Variants in PARD3B observed in about 807,000 individuals in gnomAD.
PARD3B encodes par-3 family cell polarity regulator beta.
Under a neutral mutation model 130.2 loss-of-function variants are expected in PARD3B, and 103 were observed. The ratio of observed to expected loss-of-function variants is 0.79; its 90% CI spans 0.67 to 0.93. PARD3B has a LOEUF of 0.93. Among genes scored for constraint, PARD3B ranks in the 40% least tolerant of loss-of-function variants. PARD3B has a pLI of 0.00. For missense variants in PARD3B, 1,609 were observed against 1,499.2 expected, an observed-to-expected ratio of 1.07 and a Z score of -1.21; for synonymous variants, 583 against 553.2, an observed-to-expected ratio of 1.05 and a Z score of -0.76.
intron 3 of PARD3B, 49 bp from the exon 4 acceptor site, chr2:205,047,532 C>A: frequency 7.9e-7 from 1 of 1,272,304 alleles, no homozygotes. Flanking sequence ...CATGCACTCT[C>A]TTCACCCCAG....
rs1447109545 is a variant in PARD3B, at chr2:205,105,921, G to A, written c.593+1407G>A. 1.3e-5 allele frequency among the ~76,000 whole-genome samples: 2 copies of A among 151,802 alleles called. No homozygotes were observed. Among genetic ancestry groups the A allele is most frequent in the Admixed American group, 6.6e-5 (1 of 15,250 alleles). ...GTTTCTGGAGGTAGACATAATGATT[G>A]TAATGCTCTTATTCTATTTGGCTTT... On this transcript the variant is annotated intron_variant, in intron 5 of 22. Transcript: ENST00000406610. This position sits in a 1 kb window ranked among gnomAD's most constrained non-coding sequence, Gnocchi z 4.0.
intron 1 of PARD3B, among the ~76,000 whole-genome samples, chr2:204,684,117 C>G (rs900776638): frequency 6.6e-6 from 1 of 152,142 alleles, no homozygotes; most frequent in African/African-American, 2.4e-5. Context: ...TTTCTTCTCT[C>G]TGTGTTTCCA....
chr2:204,991,749 A>G (rs1010709933), intron 3 of PARD3B, among the ~76,000 whole-genome samples: 4 of 151,780 alleles, frequency 2.6e-5, no homozygotes, highest in African/African-American at 9.7e-5. Context: ...TGGTTTCCTG[A>G]CTTTTTAATG....
chr2:205,008,704 A>G (rs1433045813), intron 3 of PARD3B, among the ~76,000 whole-genome samples: 1 of 152,196 alleles, frequency 6.6e-6, no homozygotes, highest in Admixed American at 6.5e-5. Flanking sequence ...TCTCTAGTAA[A>G]TCAATTAAAG....
chr2:204,719,985 C>T (rs1426805957), intron 2 of PARD3B, among the ~76,000 whole-genome samples: 1 of 152,078 alleles, frequency 6.6e-6, no homozygotes, highest in Non-Finnish European at 1.5e-5. Context: ...AAGCTTTTGC[C>T]TCTTGAAATT....
intron 22 of PARD3B, among the ~76,000 whole-genome samples, chr2:205,603,579 G>A (rs1451923453): frequency 6.6e-6 from 1 of 152,160 alleles, no homozygotes; most frequent in Non-Finnish European, 1.5e-5. Flanking sequence ...TCTTCTTGTT[G>A]AATCGATCCC....
rs181648935 is a variant in PARD3B, at chr2:204,752,252, C to T, written c.222+65970C>T. Among the ~76,000 whole-genome samples the T allele has an allele frequency of 7.9e-4, 120 of 152,184 alleles. 1 individual carries two copies. Among genetic ancestry groups the T allele is most frequent in the East Asian group, 4.3e-3 (22 of 5,174 alleles). ...TGCTTACTTTCTGCTATGGGGCAATCTTTATGTCTTTATGATTCCATTTTC... is the reference window on the plus strand; with the variant it reads ...TGCTTACTTTCTGCTATGGGGCAATTTTTATGTCTTTATGATTCCATTTTC... On this transcript the variant is annotated intron_variant, in intron 2 of 22. Coordinates refer to ENST00000406610, the MANE Select transcript of PARD3B (RefSeq NM_001302769.2).
intron 19 of PARD3B, among the ~76,000 whole-genome samples, chr2:205,409,630 C>T (rs1045207810): frequency 2.6e-5 from 4 of 152,094 alleles, no homozygotes; most frequent in Admixed American, 6.5e-5. Context: ...GCTTGTCAGC[C>T]GAGCTGGATT....
intron 2 of PARD3B, among the ~76,000 whole-genome samples, chr2:204,858,499 TAAA>T (rs554680233): frequency 6.8e-5 from 8 of 117,122 alleles, no homozygotes; most frequent in Non-Finnish European, 5.5e-5. Flanking sequence ...ATGTGGAATC[TAAA>T]AAAAAAAAAA....
intron 22 of PARD3B, among the ~76,000 whole-genome samples, chr2:205,597,687 G>A (rs1362194987): frequency 3.9e-5 from 6 of 152,066 alleles, no homozygotes; most frequent in Admixed American, 6.6e-5. Flanking sequence ...AGCATCTGTC[G>A]TTTTTAGACT....
chr2:204,887,581 A>G lies in PARD3B; in HGVS notation c.223-77571A>G, dbSNP rs74801839. On this transcript the variant is annotated intron_variant, in intron 2 of 22. Coordinates refer to ENST00000406610, the MANE Select transcript of PARD3B (RefSeq NM_001302769.2). The surrounding 1 kb of genome is among the most constrained non-coding windows in gnomAD (Gnocchi z 4.2). Reference sequence around the variant, plus strand: ...GAACGAAGAGATGGCAAACTAACCTATAAATTAAAAGAAGCCCAAACTGCT... The same window carrying G: ...GAACGAAGAGATGGCAAACTAACCTGTAAATTAAAAGAAGCCCAAACTGCT... 0.011 allele frequency among the ~76,000 whole-genome samples: 1,609 copies of G among 152,292 alleles called. 29 individuals are homozygous for G. The highest frequency in any genetic ancestry group is 0.037 in the African/African-American group (1,549 of 41,562).
Position 205,301,703 on chromosome 2 carries a change from TA to T in PARD3B, c.2630+3del. On this transcript the variant is annotated splice_donor_region_variant and intron_variant, in intron 18 of 22. Transcript: ENST00000406610. This position sits in a 1 kb window ranked among gnomAD's most constrained non-coding sequence, Gnocchi z 5.2. ...GAAGGGCTTCGGCGCCATGCTGAGG[TA>T]TGGGCCTGCTTTGAAGGCAAAGTTG... is the stretch of plus-strand genomic sequence containing the variant. The T allele has an allele frequency of 6.2e-7, 1 of 1,614,006 alleles. No individual in the cohort carries two copies. Among genetic ancestry groups the T allele is most frequent in the South Asian group, 1.1e-5 (1 of 91,074 alleles).
chr2:204,998,312 G>GTGTATATA lies in PARD3B; in HGVS notation c.394+32990_394+32991insGTATATAT, dbSNP rs1278337977. On this transcript the variant is annotated intron_variant, in intron 3 of 22. Coordinates refer to ENST00000406610, the MANE Select transcript of PARD3B (RefSeq NM_001302769.2). ...CTGCACATGTATCCCAGAACTTAAA[G>GTGTATATA]TATATATATATATATATATATATAT... 1.5e-4 allele frequency among the ~76,000 whole-genome samples: 8 copies of GTGTATATA among 52,042 alleles called. 1 individual carries two copies. Among genetic ancestry groups the GTGTATATA allele is most frequent in the African/African-American group, 5.2e-4 (6 of 11,498 alleles). The allele number at this position is 52,042 out of a possible 152,430, so 34.1% of individuals were successfully genotyped here.
intron 20 of PARD3B, among the ~76,000 whole-genome samples, chr2:205,498,228 G>A (rs1172847673): frequency 5.3e-5 from 8 of 150,626 alleles, no homozygotes; most frequent in East Asian, 3.9e-4. Flanking sequence ...CAGGCCAGGC[G>A]TGGTGGCTCA....
chr2:205,156,192 C>T (rs1265043667), intron 10 of PARD3B, among the ~76,000 whole-genome samples: 1 of 134,188 alleles, frequency 7.5e-6, no homozygotes, highest in Non-Finnish European at 1.5e-5. Flanking sequence ...TGTTCTCACT[C>T]ATAGGTGGGA....
chr2:205,521,559 T>TAAAAGAAGAAAAAAAA (rs2051059078), intron 21 of PARD3B, among the ~76,000 whole-genome samples: 2 of 45,482 alleles, frequency 4.4e-5, no homozygotes, highest in Non-Finnish European at 8.9e-5. Context: ...ATGATTTTTT[T>TAAAAGAAGAAAAAAAA]TCTTTTTCTA....
intron 16 of PARD3B, among the ~76,000 whole-genome samples, chr2:205,254,831 A>ATTTTTTTTTT (rs1315154324): frequency 1.3e-5 from 2 of 150,806 alleles, no homozygotes; most frequent in Admixed American, 6.6e-5. Flanking sequence ...CGCCCGGCTA[A>ATTTTTTTTTT]TTTTTTGTAT....
At chr2:204,755,284 T>C (rs1259034332) in intron 2 of PARD3B, among the ~76,000 whole-genome samples, 1 of 152,100 alleles carries the variant, frequency 6.6e-6, no homozygotes, top group Non-Finnish European at 1.5e-5. Flanking sequence ...GGACTGATGA[T>C]CTACTGACCC....
intron 1 of PARD3B, among the ~76,000 whole-genome samples, chr2:204,642,513 T>C (rs189231547): frequency 6.6e-6 from 1 of 152,334 alleles, no homozygotes; most frequent in East Asian, 1.9e-4. Context: ...GGTTTCATGA[T>C]GCTAGGGACA....
Sources: gnomAD v4.1 joint callset for allele counts (sites outside exome capture counted in the v4.1 genomes callset) on GRCh38, gnomAD v4.1.1 for gene constraint, Gnocchi (gnomAD v3.1) non-coding constraint, MANE v1.5 for transcripts, NCBI Gene and HGNC (gene_info 2026-07-23, HGNC 2026-07-21) for gene names.